NOL10: variants seen among roughly 807,000 people sequenced by gnomAD.
The protein encoded by NOL10 is H_NH0074G24.1.
In NOL10, 58 loss-of-function variants were observed where a neutral mutation model predicts 103.5. The ratio of observed to expected loss-of-function variants is 0.56; its 90% CI spans 0.45 to 0.70. NOL10 has a LOEUF of 0.70. Among genes scored for constraint, NOL10 ranks in the 30% least tolerant of loss-of-function variants. NOL10 has a pLI of 0.00. For missense variants in NOL10, 763 were observed against 807.3 expected (o/e 0.95, Z 0.67); for synonymous variants, 287 against 282.5 (o/e 1.02, Z -0.16).
chr2:10,622,878 GC>G (rs1677229426), intron 13 of NOL10, among the ~76,000 whole-genome samples: 1 of 151,926 alleles, frequency 6.6e-6, no homozygotes, highest in East Asian at 1.9e-4. Context: ...ATTCAAGATG[GC>G]CAAAACTGAA....
rs544416714 is a variant in NOL10 at position 10,680,137 on chromosome 2, T to A, written c.211+1834A>T. ...TAAAAAAATACAGACATTAGCCGGGTGTGGTGGCGAGCACCTGTAGTCCCA... is the reference window on the plus strand; with the variant it reads ...TAAAAAAATACAGACATTAGCCGGGAGTGGTGGCGAGCACCTGTAGTCCCA... On this transcript the variant is annotated intron_variant, in intron 3 of 20. Coordinates refer to ENST00000381685, the MANE Select transcript of NOL10 (RefSeq NM_024894.4). Among the ~76,000 whole-genome samples the A allele has an allele frequency of 9.4e-4, 142 of 151,568 alleles. 1 individual carries two copies. Among genetic ancestry groups the A allele is most frequent in the African/African-American group, 3.3e-3 (137 of 41,328 alleles).
intron 9 of NOL10, among the ~76,000 whole-genome samples, chr2:10,659,698 TAGTA>T (rs1680069914): frequency 6.6e-6 from 1 of 151,948 alleles, no homozygotes; most frequent in Non-Finnish European, 1.5e-5. Flanking sequence ...GTCTCAAAAA[TAGTA>T]AGTAAATAGT....
At chr2:10,600,007 T>C (rs1321147196) in intron 17 of NOL10, among the ~76,000 whole-genome samples, 1 of 151,052 alleles carries the variant, frequency 6.6e-6, no homozygotes, top group Non-Finnish European at 1.5e-5. Context: ...AAGAATAAGC[T>C]TAAAAAAAAA....
rs1422193114 is a variant in NOL10 at position 10,611,840 on chromosome 2, G to A, written c.1027-4529C>T. 5.3e-5 allele frequency among the ~76,000 whole-genome samples: 8 copies of A among 152,250 alleles called. No homozygotes were observed. In the East Asian group the frequency reaches 9.6e-4, roughly 18 times the overall value. ...TGAGGCATGAGAATCGCTTGAACCC[G>A]GGAGGTGGAGGTTGCAGTGAGCCAA... is the stretch of plus-strand genomic sequence containing the variant. On this transcript the variant is annotated intron_variant, in intron 13 of 20. Transcript: ENST00000381685.
rs372684343 is a variant in NOL10 at position 10,668,393 on chromosome 2, AACACT to A, written c.530+260_530+264del. 6.2e-3 allele frequency among the ~76,000 whole-genome samples: 938 copies of A among 152,342 alleles called. 9 individuals are homozygous for A. Among genetic ancestry groups the A allele is most frequent in the African/African-American group, 0.021 (888 of 41,580 alleles). On this transcript the variant is annotated intron_variant, in intron 7 of 20. Transcript: ENST00000381685. ...CAAAACCATGAATGTAAATTTAAAG[AACACT>A]ACAAGTAATAATAATAAACTGAGTA...
At chr2:10,662,903 C>T in intron 9 of NOL10, 56 bp downstream of exon 9, 11 of 1,234,390 alleles carry the variant, frequency 8.9e-6, no homozygotes, top group Middle Eastern at 1.9e-4. Flanking sequence ...AATATAGACA[C>T]ATTACTTAAA....
chr2:10,628,672 G>A (rs1164546001), intron 13 of NOL10, among the ~76,000 whole-genome samples: 1 of 152,136 alleles, frequency 6.6e-6, no homozygotes. Context: ...AATAGGACCA[G>A]ATACAGCAGG....
intron 5 of NOL10, 25 bp from the exon 6 acceptor site, chr2:10,671,715 T>C (rs1393327423): frequency 1.3e-6 from 2 of 1,517,272 alleles, no homozygotes; most frequent in Non-Finnish European, 1.8e-6. Context: ...AAAAAATTAG[T>C]TTGCTTAGGT....
At chr2:10,606,052 G>C (rs1676237485) in intron 14 of NOL10, among the ~76,000 whole-genome samples, 1 of 152,040 alleles carries the variant, frequency 6.6e-6, no homozygotes, top group South Asian at 2.1e-4. Context: ...GTAGCCCTCT[G>C]ACAGCAGCAG....
At chr2:10,638,792 CTTTTTTTTTTTTTTTT>C (rs575658225) in intron 13 of NOL10, among the ~76,000 whole-genome samples, 3 of 52,834 alleles carry the variant, frequency 5.7e-5, no homozygotes, top group African/African-American at 9.4e-5. Context: ...CGTGCCTGGC[CTTTTTTTTTTTTTTTT>C]TTTTTTTTTT....
chr2:10,657,829 C>G lies in NOL10; in HGVS notation c.819G>C (p.Leu273=). The change falls in exon 11 of 21, where the codon CTG becomes CTC. Residue 273 remains leucine (L), a synonymous_variant. Transcript: ENST00000381685. ...CCTGGAAATGAACGGACTTAATGGG[C>G]AGCCCATACTGGTGATCTTTAACTA... The part of the protein sequence containing the change: ...PLLVKDHQYG[L]PIKSVHFQDS... 6.4e-7 allele frequency: 1 copy of G among 1,550,672 alleles called. No individual in the cohort carries two copies. The highest frequency in any genetic ancestry group is 8.7e-7 in the Non-Finnish European group (1 of 1,146,378).
At chr2:10,687,836 C>G (rs1013895418) in intron 1 of NOL10, among the ~76,000 whole-genome samples, 2 of 152,108 alleles carry the variant, frequency 1.3e-5, no homozygotes, top group African/African-American at 4.8e-5. Context: ...GCCTGTAGTC[C>G]CAGCTACTGG....
chr2:10,678,850 T>C (rs1470913184), intron 3 of NOL10, among the ~76,000 whole-genome samples: 2 of 152,180 alleles, frequency 1.3e-5, no homozygotes, highest in African/African-American at 4.8e-5. Flanking sequence ...AAACCAGGAC[T>C]CTGGACTCTA....
intron 1 of NOL10, among the ~76,000 whole-genome samples, chr2:10,685,446 T>A (rs1433080411): frequency 7.8e-6 from 1 of 127,784 alleles, no homozygotes; most frequent in Non-Finnish European, 1.5e-5. Context: ...GGAGCTGAGA[T>A]CTTCCCACTA....
At chr2:10,672,690 G>A (rs1032454635) in intron 5 of NOL10, among the ~76,000 whole-genome samples, 4 of 152,164 alleles carry the variant, frequency 2.6e-5, no homozygotes, top group African/African-American at 4.8e-5. Context: ...TGTTGAAAGT[G>A]ATTATAAGAG....
At position 10,600,951 on chromosome 2, in the gene NOL10, A is replaced by G; in HGVS notation, c.1333-9T>C. ...TTAACTTTTGGCAATTTCTAGAGAGAAAATAAAAGCTGGTATTTTATTTTA... is the reference window on the plus strand; with the variant it reads ...TTAACTTTTGGCAATTTCTAGAGAGGAAATAAAAGCTGGTATTTTATTTTA... On this transcript the variant is annotated splice_polypyrimidine_tract_variant and intron_variant, in intron 16 of 20. Coordinates refer to ENST00000381685, the MANE Select transcript of NOL10 (RefSeq NM_024894.4). 6.8e-7 allele frequency: 1 copy of G among 1,478,982 alleles called. No homozygotes were observed. The highest frequency in any genetic ancestry group is 9.2e-7 in the Non-Finnish European group (1 of 1,086,212). 91.6% of individuals were successfully genotyped at this position (1,478,982 alleles called of 1,614,324 possible). A position where few individuals can be genotyped will look rare whatever the true frequency, so the allele number is the denominator to read the frequency against.
chr2:10,622,542 T>C (rs1474110423), intron 13 of NOL10, among the ~76,000 whole-genome samples: 2 of 150,712 alleles, frequency 1.3e-5, no homozygotes, highest in Admixed American at 1.3e-4. Context: ...CAGGCACAGA[T>C]GCAGATACCA....
intron 13 of NOL10, chr2:10,622,191 T>C (rs1422813284): frequency 4.2e-6 from 2 of 470,956 alleles, no homozygotes; most frequent in East Asian, 6.9e-5. Flanking sequence ...CAGGAAACTA[T>C]GTAAATAAAG....
chr2:10,677,547 T>C (rs909126204), intron 3 of NOL10, among the ~76,000 whole-genome samples: 29 of 151,300 alleles, frequency 1.9e-4, no homozygotes, highest in Non-Finnish European at 4.1e-4. Context: ...CACAGCTCAA[T>C]GCAACCTCAA....
Sources: gnomAD v4.1 joint callset for allele counts (sites outside exome capture counted in the v4.1 genomes callset) on GRCh38, gnomAD v4.1.1 for gene constraint, MANE v1.5 for transcripts, NCBI Gene and HGNC (gene_info 2026-07-23, HGNC 2026-07-21) for gene names.